Variants in ASH2L observed in about 807,000 individuals in gnomAD.
The protein encoded by ASH2L is ASH2 like, histone lysine methyltransferase complex subunit, also known as set1/Ash2 histone methyltransferase complex subunit ASH2.
ASH2L carries 30 observed loss-of-function variants against 81.1 expected under a neutral mutation model. That is an observed-to-expected ratio of 0.37 (90% CI 0.28 to 0.50). The LOEUF (loss-of-function observed/expected upper bound fraction) is 0.50, where lower values mean the gene tolerates loss of function less well. Ranked by LOEUF, ASH2L falls within the 20% of genes least tolerant of loss-of-function variation. ASH2L has a pLI of 0.95. For synonymous variants in ASH2L, 273 were observed against 279.9 expected (o/e 0.98, Z 0.24); for missense variants, 559 against 792.1 (o/e 0.71, Z 3.53).
intron 2 of ASH2L, 89 bp from the exon 3 acceptor site, chr8:38,106,932 C>T (rs1585560679): frequency 6.6e-7 from 1 of 1,505,588 alleles, no homozygotes. Flanking sequence ...GCCTGGGCAA[C>T]ATAGGGAGAC....
At chr8:38,121,333 T>TTATTTATATATATATATA (rs1230317862) in intron 10 of ASH2L, among the ~76,000 whole-genome samples, 184 bp downstream of exon 10, 2 of 59,662 alleles carry the variant, frequency 3.4e-5, no homozygotes, top group Non-Finnish European at 6.9e-5. Context: ...GCCGTTTTAT[T>TTATTTATATATATATATA]TATATATATA....
Position 38,121,359 on chromosome 8 carries a change from A to T in ASH2L, c.1165+210A>T, listed in dbSNP as rs1041453877. 1.3e-3 allele frequency among the ~76,000 whole-genome samples: 182 copies of T among 143,004 alleles called. 6 individuals carry two copies. The highest frequency in any genetic ancestry group is 4.4e-3 in the African/African-American group (175 of 39,406). 93.8% of individuals were successfully genotyped at this position (143,004 alleles called of 152,430 possible). On this transcript the variant is annotated intron_variant, in intron 10 of 15. Coordinates refer to ENST00000343823, the MANE Select transcript of ASH2L (RefSeq NM_004674.5). ...TATATATATATATATATATATATAT[A>T]TATATATATATATATATATGGTTTT...
chr8:38,133,407 TG>T (rs1343238467), intron 12 of ASH2L, 46 bp from the exon 13 acceptor site: 9 of 1,368,084 alleles, frequency 6.6e-6, no homozygotes, highest in Non-Finnish European at 9.2e-6. Flanking sequence ...TTCATGATGA[TG>T]GAGCTGATGC....
chr8:38,131,903 G>C (rs913293897), intron 12 of ASH2L, among the ~76,000 whole-genome samples: 3 of 151,612 alleles, frequency 2.0e-5, no homozygotes, highest in Admixed American at 1.3e-4. Context: ...CTGGAGTGCA[G>C]TGGTACGCAG....
rs1810438470 is a variant in ASH2L at position 38,106,491 on chromosome 8, T to C, written c.255+47T>C. 4.1e-6 allele frequency: 6 copies of C among 1,475,450 alleles called. No individual in the cohort carries two copies. In the South Asian group the frequency reaches 7.3e-5, roughly 18 times the overall value. The allele number at this position is 1,475,450 out of a possible 1,614,324, so 91.4% of individuals were successfully genotyped here. A position where few individuals can be genotyped will look rare whatever the true frequency, so the allele number is the denominator to read the frequency against. ...CAAGACAAAATAGGGTTTGTTTTAG[T>C]TATTTCTTCTTCTTCTTTTTTTTTT... On this transcript the variant is annotated intron_variant, in intron 2 of 15. Coordinates refer to ENST00000343823, the MANE Select transcript of ASH2L (RefSeq NM_004674.5).
chr8:38,119,429 C>G, intron 9 of ASH2L, 66 bp downstream of exon 9: 1 of 1,315,650 alleles, frequency 7.6e-7, no homozygotes, highest in South Asian at 1.5e-5. Context: ...GAAAGTCCAG[C>G]AGAGGGAAGA....
chr8:38,135,052 TAA>T (rs779445510), intron 13 of ASH2L, among the ~76,000 whole-genome samples: 5 of 145,248 alleles, frequency 3.4e-5, no homozygotes, highest in Admixed American at 6.9e-5. Context: ...CAGCTTACTT[TAA>T]AAAAAAAAAA....
chr8:38,114,347 T>C (rs1313423195), intron 6 of ASH2L, 60 bp downstream of exon 6: 1 of 1,057,922 alleles, frequency 9.5e-7, no homozygotes, highest in African/African-American at 1.6e-5. Flanking sequence ...TTTGTAAGAA[T>C]TCAATAATAT....
intron 12 of ASH2L, among the ~76,000 whole-genome samples, chr8:38,129,524 T>C (rs1801974388): frequency 6.6e-6 from 1 of 152,058 alleles, no homozygotes; most frequent in African/African-American, 2.4e-5. Flanking sequence ...GATGGGAGAA[T>C]CATTCAGCCC....
intron 12 of ASH2L, among the ~76,000 whole-genome samples, chr8:38,131,970 T>A (rs1802076848): frequency 6.6e-6 from 1 of 152,124 alleles, no homozygotes. Flanking sequence ...TGCTTCAGCC[T>A]CCTGAGCAGC....
chr8:38,105,589 T>TGCCGGGCCTGGCCCAGGAGCGGTC lies in ASH2L; in HGVS notation c.42_65dup (p.Gly15_Ala22dup). On this transcript the variant is annotated inframe_insertion, in exon 1 of 16. Transcript: ENST00000343823. ...GAGCAGGACCTGGCCAGGAAGCGGG[T>TGCCGGGCCTGGCCCAGGAGCGGTC]GCCGGGCCTGGCCCAGGAGCGGTCG... 6.3e-7 allele frequency: 1 copy of TGCCGGGCCTGGCCCAGGAGCGGTC among 1,590,872 alleles called. No homozygotes were observed. The highest frequency in any genetic ancestry group is 8.6e-7 in the Non-Finnish European group (1 of 1,168,084).
chr8:38,133,591 G>A lies in ASH2L; in HGVS notation c.1620+45G>A, dbSNP rs375326338. 139 of 1,393,048 alleles carry A rather than the reference G, an allele frequency of 1.0e-4. No homozygotes were observed. The South Asian group carries it at 1.0e-3, about 10-fold the overall frequency. 86.3% of individuals were successfully genotyped at this position (1,393,048 alleles called of 1,614,324 possible). On this transcript the variant is annotated intron_variant, in intron 13 of 15. Transcript: ENST00000343823. ...ACATTAGAATCATAAGGCCTTGAGC[G>A]TTAGGACCCATTCCTTCATTATAAA...
chr8:38,127,322 TAAAAAA>T (rs78451289), intron 10 of ASH2L, among the ~76,000 whole-genome samples: 3 of 133,888 alleles, frequency 2.2e-5, no homozygotes, highest in African/African-American at 8.2e-5. Flanking sequence ...CCCTGGCTCT[TAAAAAA>T]AAAAAAAAAA....
Position 38,118,399 on chromosome 8 carries a change from T to G in ASH2L, c.854-871T>G, listed in dbSNP as rs186156076. Among the ~76,000 whole-genome samples, 576 of 152,330 alleles carry G rather than the reference T, an allele frequency of 3.8e-3. 2 individuals are homozygous for G. Among genetic ancestry groups the G allele is most frequent in the Non-Finnish European group, 5.4e-3 (370 of 68,030 alleles). Reference sequence around the variant, plus strand: ...AAAACTAATTGAGAGGAATTTGAACTGGACAAAAATTTCAAAGTACCTATT... The same window carrying G: ...AAAACTAATTGAGAGGAATTTGAACGGGACAAAAATTTCAAAGTACCTATT... On this transcript the variant is annotated intron_variant, in intron 8 of 15. Coordinates refer to ENST00000343823, the MANE Select transcript of ASH2L (RefSeq NM_004674.5).
chr8:38,127,885 A>G (rs1801917195), intron 10 of ASH2L, among the ~76,000 whole-genome samples: 1 of 151,622 alleles, frequency 6.6e-6, no homozygotes, highest in Admixed American at 6.6e-5. Context: ...GTCTCTACTA[A>G]AAATACAAAA....
chr8:38,122,485 TA>T (rs1193928352), intron 10 of ASH2L: 3 of 152,150 alleles, frequency 2.0e-5, no homozygotes, highest in South Asian at 2.1e-4. Context: ...ATTTTTTTTT[TA>T]AGTAATAAAG....
At chr8:38,109,046 C>T (rs1810574045) in intron 3 of ASH2L, among the ~76,000 whole-genome samples, 6 of 152,132 alleles carry the variant, frequency 3.9e-5, no homozygotes. Context: ...TGCTACTGCA[C>T]TCCAGCCTGG....
In ASH2L at chr8:38,119,327, A is replaced by T; in HGVS notation, c.911A>T (p.Asp304Val). Reference sequence around the variant, plus strand: ...CGAGGAGCCAAGCGCAAACAGCAGGATGGAGGGACCACAGGGACCACCAAG... The same window carrying T: ...CGAGGAGCCAAGCGCAAACAGCAGGTTGGAGGGACCACAGGGACCACCAAG... ...KGRGAKRKQQ[D>V]GGTTGTTKKA... The change falls in exon 9 of 16, where the codon GAT becomes GTT. Residue 304 changes from aspartate to valine, a missense_variant. Physicochemically the swap from Asp to Val is radical, Grantham distance 152. Coordinates refer to ENST00000343823, the MANE Select transcript of ASH2L (RefSeq NM_004674.5). The T allele has an allele frequency of 6.5e-7, 1 of 1,550,122 alleles. No individual in the cohort carries two copies. Among genetic ancestry groups the T allele is most frequent in the East Asian group, 2.5e-5 (1 of 40,810 alleles).
At chr8:38,113,170 A>G (rs375616225) in intron 5 of ASH2L, among the ~76,000 whole-genome samples, 1 of 152,004 alleles carries the variant, frequency 6.6e-6, no homozygotes, top group African/African-American at 2.4e-5. Flanking sequence ...GGGTTTCACC[A>G]TGTTGGCCAG....
Sources: gnomAD v4.1 joint callset for allele counts (sites outside exome capture counted in the v4.1 genomes callset) on GRCh38, gnomAD v4.1.1 for gene constraint, MANE v1.5 for transcripts, NCBI Gene and HGNC (gene_info 2026-07-23, HGNC 2026-07-21) for gene names.